The following MAGI2 variants were observed in gnomAD, a reference collection of about 807,000 sequenced individuals.
The protein encoded by MAGI2 is membrane associated guanylate kinase, WW and PDZ domain containing 2.
A neutral mutation model predicts 133.3 loss-of-function variants in MAGI2; 35 were observed. That is an observed-to-expected ratio of 0.26 (90% CI 0.20 to 0.35). MAGI2 has a LOEUF of 0.35. Ranked by LOEUF, MAGI2 falls within the 10% of genes least tolerant of loss-of-function variation. The pLI is 1.00. For synonymous variants in MAGI2, 729 were observed against 710.6 expected (o/e 1.03, Z -0.41); for missense variants, 1,636 against 1,863.4 (o/e 0.88, Z 2.25).
intron 1 of MAGI2, among the ~76,000 whole-genome samples, chr7:79,118,610 T>C (rs1347655448): frequency 6.6e-6 from 1 of 152,214 alleles, no homozygotes; most frequent in East Asian, 1.9e-4. Context: ...ACTCTGGTGA[T>C]AGCTTTCAGC....
At chr7:78,531,456 C>T (rs1195385288) in intron 3 of MAGI2, among the ~76,000 whole-genome samples, 1 of 152,160 alleles carries the variant, frequency 6.6e-6, no homozygotes, top group Admixed American at 6.5e-5. Context: ...TCGTGATCTG[C>T]CTGCTTTGGA....
chr7:78,666,456 A>G (rs1813599443), intron 2 of MAGI2, among the ~76,000 whole-genome samples: 1 of 152,064 alleles, frequency 6.6e-6, no homozygotes, highest in Non-Finnish European at 1.5e-5. Flanking sequence ...TTTTCTCTTG[A>G]GACCTGACAA....
chr7:78,664,616 T>C lies in MAGI2; in HGVS notation c.419-37377A>G, dbSNP rs1227446064. On this transcript the variant is annotated intron_variant, in intron 2 of 21. Transcript: ENST00000354212. ...TAGCATTCAAATTATCTTGAAATGA[T>C]ACATTTATCATTTTAAAAAACAAAC... 3.3e-5 allele frequency among the ~76,000 whole-genome samples: 5 copies of C among 152,100 alleles called. No homozygotes were observed. In the South Asian group the frequency reaches 6.2e-4, roughly 19 times the overall value.
intron 9 of MAGI2, among the ~76,000 whole-genome samples, chr7:78,272,363 T>A (rs1166685387): frequency 6.6e-6 from 1 of 152,244 alleles, no homozygotes; most frequent in Admixed American, 6.5e-5. Context: ...CTTCCAATTA[T>A]GTGGTCAATT....
intron 3 of MAGI2, among the ~76,000 whole-genome samples, chr7:78,575,778 G>GA (rs1318963413): frequency 1.2e-4 from 19 of 152,048 alleles, no homozygotes; most frequent in Admixed American, 1.2e-3. Flanking sequence ...TCAAAATTGT[G>GA]AGTCACCAAA....
chr7:79,397,263 A>T (rs966215822), intron 1 of MAGI2, among the ~76,000 whole-genome samples: 1 of 150,916 alleles, frequency 6.6e-6, no homozygotes, highest in African/African-American at 2.4e-5. Context: ...TTGGCATCAG[A>T]CTTATCAACA....
intron 2 of MAGI2, among the ~76,000 whole-genome samples, chr7:78,853,314 T>C (rs1480732895): frequency 6.8e-6 from 1 of 146,250 alleles, no homozygotes; most frequent in African/African-American, 2.5e-5. Context: ...ACGCTCATAT[T>C]ACTCTTGTCC....
chr7:78,395,432 T>G (rs1796253727), intron 6 of MAGI2, among the ~76,000 whole-genome samples: 2 of 152,224 alleles, frequency 1.3e-5, no homozygotes. Context: ...GCTTTTGGTT[T>G]CTTTACCAGA....
chr7:79,328,226 T>C (rs1449379210), intron 1 of MAGI2, among the ~76,000 whole-genome samples: 1 of 152,174 alleles, frequency 6.6e-6, no homozygotes, highest in Non-Finnish European at 1.5e-5. Flanking sequence ...TTGAATACTG[T>C]TTTTCATAGG....
At chr7:79,269,926 C>T (rs1353033773) in intron 1 of MAGI2, among the ~76,000 whole-genome samples, 1 of 152,128 alleles carries the variant, frequency 6.6e-6, no homozygotes, top group Non-Finnish European at 1.5e-5. Flanking sequence ...TCCATAATCC[C>T]TGACTGCTCA....
At chr7:79,261,220 A>C (rs1834062393) in intron 1 of MAGI2, among the ~76,000 whole-genome samples, 1 of 151,996 alleles carries the variant, frequency 6.6e-6, no homozygotes, top group Admixed American at 6.6e-5. Context: ...TAGCTATTAG[A>C]CTCTCTCACT....
intron 2 of MAGI2, among the ~76,000 whole-genome samples, chr7:78,744,998 AC>A (rs1446829878): frequency 6.6e-6 from 1 of 152,162 alleles, no homozygotes; most frequent in African/African-American, 2.4e-5. Context: ...TGCCTAACAA[AC>A]ATTAACACGA....
At chr7:78,638,481 A>T (rs765824182) in intron 2 of MAGI2, among the ~76,000 whole-genome samples, 2 of 152,214 alleles carry the variant, frequency 1.3e-5, no homozygotes, top group Non-Finnish European at 1.5e-5. Flanking sequence ...TGATATTTCC[A>T]TCTTTACCTC....
chr7:78,429,636 C>T (rs1225281614), intron 6 of MAGI2, among the ~76,000 whole-genome samples: 1 of 151,892 alleles, frequency 6.6e-6, no homozygotes, highest in African/African-American at 2.4e-5. Flanking sequence ...AATTTAAATG[C>T]CATTATTCAA....
chr7:78,598,264 A>T (rs1804824599), intron 3 of MAGI2, among the ~76,000 whole-genome samples: 1 of 152,168 alleles, frequency 6.6e-6, no homozygotes, highest in South Asian at 2.1e-4. Context: ...ACTTGCAATA[A>T]AGTGTGGTGA....
At chr7:78,381,349 TAAAAGAAAAG>T (rs111830035) in intron 6 of MAGI2, among the ~76,000 whole-genome samples, 1 of 150,748 alleles carries the variant, frequency 6.6e-6, no homozygotes, top group Non-Finnish European at 1.5e-5. Flanking sequence ...CTGTCTCAAT[TAAAAGAAAAG>T]AAAAGAAAAG....
At chr7:78,362,607 G>C (rs1264194846) in intron 7 of MAGI2, among the ~76,000 whole-genome samples, 1 of 152,086 alleles carries the variant, frequency 6.6e-6, no homozygotes, top group East Asian at 1.9e-4. Context: ...TATAAAATCA[G>C]CCTGAGTCAG....
At chr7:79,139,221 A>G (rs1821893670) in intron 1 of MAGI2, among the ~76,000 whole-genome samples, 1 of 152,174 alleles carries the variant, frequency 6.6e-6, no homozygotes, top group Admixed American at 6.5e-5. Context: ...TAGGAAACAA[A>G]TACATGTTTG....
intron 1 of MAGI2, among the ~76,000 whole-genome samples, chr7:79,165,545 A>G (rs969987193): frequency 2.0e-5 from 3 of 152,100 alleles, no homozygotes; most frequent in African/African-American, 4.8e-5. Flanking sequence ...ATACATTTTA[A>G]TAACAATAGA....
Sources: gnomAD v4.1 joint callset for allele counts (sites outside exome capture counted in the v4.1 genomes callset) on GRCh38, gnomAD v4.1.1 for gene constraint, MANE v1.5 for transcripts, NCBI Gene and HGNC (gene_info 2026-07-23, HGNC 2026-07-21) for gene names.